The following CLMP variants were observed in gnomAD, a reference collection of about 807,000 sequenced individuals.
CLMP encodes the protein CXADR-like membrane protein.
Under a neutral mutation model 45.2 loss-of-function variants are expected in CLMP, and 27 were observed. The ratio of observed to expected loss-of-function variants is 0.60; its 90% CI spans 0.44 to 0.82. CLMP has a LOEUF of 0.82. Among genes scored for constraint, CLMP ranks in the 40% least tolerant of loss-of-function variants. The pLI, the probability that CLMP is intolerant of heterozygous loss-of-function variation, is 0.00. For missense variants in CLMP, 403 were observed against 448.4 expected (o/e 0.90, Z 0.91); for synonymous variants, 167 against 171.4 (o/e 0.97, Z 0.20).
chr11:123,115,269 A>C (rs1353377237), intron 1 of CLMP, among the ~76,000 whole-genome samples: 1 of 151,688 alleles, frequency 6.6e-6, no homozygotes, highest in Non-Finnish European at 1.5e-5. Flanking sequence ...GCTGGTCTCC[A>C]ACTCCTGGGC....
At chr11:123,105,090 C>CTT (rs1860523630) in intron 1 of CLMP, among the ~76,000 whole-genome samples, 1 of 152,192 alleles carries the variant, frequency 6.6e-6, no homozygotes, top group Non-Finnish European at 1.5e-5. Flanking sequence ...ACCTCAGGCA[C>CTT]TTATCAAAGG....
intron 1 of CLMP, among the ~76,000 whole-genome samples, chr11:123,118,495 A>G (rs1209373875): frequency 6.6e-6 from 1 of 152,178 alleles, no homozygotes; most frequent in African/African-American, 2.4e-5. Flanking sequence ...ACTATAATCA[A>G]ACTTAGCTCA....
chr11:123,079,873 T>G (rs1865784870), intron 5 of CLMP, among the ~76,000 whole-genome samples: 4 of 152,232 alleles, frequency 2.6e-5, no homozygotes, highest in Non-Finnish European at 1.5e-5. Context: ...AAATAATTTA[T>G]CCACCAGTTA....
chr11:123,107,725 G>A (rs539232), intron 1 of CLMP, among the ~76,000 whole-genome samples: 14,630 of 151,734 alleles, frequency 0.096, 803 homozygotes, highest in East Asian at 0.16. Flanking sequence ...AACCAGGATT[G>A]TGAAAAGTTT....
At chr11:123,142,573 A>AATC in intron 1 of CLMP, among the ~76,000 whole-genome samples, 1 of 151,884 alleles carries the variant, frequency 6.6e-6, no homozygotes, top group African/African-American at 2.4e-5. Context: ...TACAGTGCAA[A>AATC]ATCTCCTAGG....
intron 1 of CLMP, among the ~76,000 whole-genome samples, chr11:123,156,978 G>A (rs1376002889): frequency 6.6e-6 from 1 of 152,182 alleles, no homozygotes; most frequent in Non-Finnish European, 1.5e-5. Flanking sequence ...ACAGCATTAG[G>A]AACAGAAACA....
At chr11:123,181,538 A>C (rs1376946161) in intron 1 of CLMP, among the ~76,000 whole-genome samples, 1 of 152,152 alleles carries the variant, frequency 6.6e-6, no homozygotes, top group African/African-American at 2.4e-5. Context: ...TTTGGCAATG[A>C]ATTCCATTCC....
Position 123,076,694 on chromosome 11 carries a change from G to A in CLMP, c.680-1851C>T, listed in dbSNP as rs970416797. ...AGCAAGGGAGAGTAGAGGGAGATGAGGTCACAGAGACAGGAAAGGACCAGC... is the reference window on the plus strand; with the variant it reads ...AGCAAGGGAGAGTAGAGGGAGATGAAGTCACAGAGACAGGAAAGGACCAGC... On this transcript the variant is annotated intron_variant, in intron 5 of 6. Coordinates refer to ENST00000448775, the MANE Select transcript of CLMP (RefSeq NM_024769.5). Among the ~76,000 whole-genome samples the A allele has an allele frequency of 7.2e-5, 11 of 152,138 alleles. No individual in the cohort carries two copies. In the East Asian group the frequency reaches 2.1e-3, roughly 29 times the overall value.
At chr11:123,123,832 A>T (rs1271495019) in intron 1 of CLMP, among the ~76,000 whole-genome samples, 1 of 152,172 alleles carries the variant, frequency 6.6e-6, no homozygotes, top group East Asian at 1.9e-4. Flanking sequence ...CAAAATTGAC[A>T]CTACCTCTAA....
chr11:123,104,327 C>CGCCTCA (rs1321575716), intron 1 of CLMP, among the ~76,000 whole-genome samples: 9 of 151,240 alleles, frequency 6.0e-5, no homozygotes, highest in Non-Finnish European at 8.8e-5. Flanking sequence ...GTGATCTGCC[C>CGCCTCA]GCCTCAGCCT....
intron 1 of CLMP, among the ~76,000 whole-genome samples, chr11:123,142,816 C>T (rs927583376): frequency 6.7e-6 from 1 of 148,692 alleles, no homozygotes; most frequent in Non-Finnish European, 1.5e-5. Flanking sequence ...TTAGTAGAGA[C>T]GGGGTTTCAC....
At chr11:123,142,738 TG>T (rs1309511506) in intron 1 of CLMP, among the ~76,000 whole-genome samples, 1 of 137,740 alleles carries the variant, frequency 7.3e-6, no homozygotes, top group Non-Finnish European at 1.5e-5. Flanking sequence ...GCCATTCTCC[TG>T]CCTCAGCCTC....
chr11:123,081,494 T>C (rs1490393949), intron 5 of CLMP, among the ~76,000 whole-genome samples: 1 of 152,194 alleles, frequency 6.6e-6, no homozygotes, highest in African/African-American at 2.4e-5. Flanking sequence ...TAATAATAGC[T>C]AATGTTACTG....
chr11:123,183,284 G>A (rs1861793224), intron 1 of CLMP, among the ~76,000 whole-genome samples: 1 of 152,148 alleles, frequency 6.6e-6, no homozygotes, highest in South Asian at 2.1e-4. Context: ...AGGCTAGAGT[G>A]CAGTGGCGGG....
chr11:123,164,185 C>T (rs920583632), intron 1 of CLMP, among the ~76,000 whole-genome samples: 2 of 152,036 alleles, frequency 1.3e-5, no homozygotes, highest in African/African-American at 4.8e-5. Flanking sequence ...CCATTCGTAT[C>T]ATATAATTTA....
intron 1 of CLMP, among the ~76,000 whole-genome samples, chr11:123,118,131 CT>C (rs1477116133): frequency 1.3e-5 from 2 of 151,886 alleles, no homozygotes; most frequent in Non-Finnish European, 2.9e-5. Flanking sequence ...CTGCAATAAA[CT>C]TTTTTTTCTT....
intron 1 of CLMP, among the ~76,000 whole-genome samples, chr11:123,145,692 G>C (rs1299776079): frequency 6.6e-6 from 1 of 152,138 alleles, no homozygotes; most frequent in Non-Finnish European, 1.5e-5. Context: ...TCGAGCTGCT[G>C]ATCTCAAGTG....
intron 2 of CLMP, among the ~76,000 whole-genome samples, chr11:123,096,325 G>A (rs987553005): frequency 2.6e-5 from 4 of 152,136 alleles, no homozygotes; most frequent in Non-Finnish European, 5.9e-5. Context: ...CAGCACTCCA[G>A]CCTGGGCGAC....
chr11:123,114,472 CTT>C (rs768261705), intron 1 of CLMP, among the ~76,000 whole-genome samples: 10 of 125,360 alleles, frequency 8.0e-5, no homozygotes, highest in Non-Finnish European at 1.2e-4. Context: ...TCCTTCCTTC[CTT>C]TTTTTTTTTT....
Sources: gnomAD v4.1 joint callset for allele counts (sites outside exome capture counted in the v4.1 genomes callset) on GRCh38, gnomAD v4.1.1 for gene constraint, MANE v1.5 for transcripts, NCBI Gene and HGNC (gene_info 2026-07-23, HGNC 2026-07-21) for gene names.